The following TRIM14 variants were observed in gnomAD, a reference collection of about 807,000 sequenced individuals.
TRIM14 encodes tripartite motif containing 14.
In TRIM14, 28 loss-of-function variants were observed where a neutral mutation model predicts 44.5. The observed-to-expected ratio is 0.63, with a 90% CI of 0.47 to 0.86. The LOEUF is 0.86. Among genes scored for constraint, TRIM14 ranks in the 40% least tolerant of loss-of-function variants. The pLI, the probability that TRIM14 is intolerant of heterozygous loss-of-function variation, is 0.00. For missense variants in TRIM14, 607 were observed against 611.1 expected (o/e 0.99, Z 0.07); for synonymous variants, 299 against 269.2 (o/e 1.11, Z -1.08).
downstream of TRIM14, among the ~76,000 whole-genome samples, chr9:98,080,485 T>C (rs1324778064): frequency 2.0e-5 from 3 of 152,280 alleles, no homozygotes; most frequent in South Asian, 2.1e-4. Flanking sequence ...CAGATGGTTT[T>C]TGAATGAGGT....
rs962889056 is a variant in TRIM14 at position 98,088,013 on chromosome 9, G to C, written c.794-8C>G. ...GCGTGGGCGTGCGCGCGTCTGCAGG[G>C]GGCGAGACAAGGGACGCACCTGGTG... On this transcript the variant is annotated splice_region_variant and splice_polypyrimidine_tract_variant and intron_variant, in intron 5 of 5. Coordinates refer to ENST00000341469, the MANE Select transcript of TRIM14 (RefSeq NM_014788.4). 20 of 1,512,740 alleles carry C rather than the reference G, an allele frequency of 1.3e-5. No individual in the cohort carries two copies. The highest frequency in any genetic ancestry group is 2.9e-5 in the African/African-American group (2 of 69,238). 93.7% of individuals were successfully genotyped at this position (1,512,740 alleles called of 1,614,324 possible). A position where few individuals can be genotyped will look rare whatever the true frequency, so the allele number is the denominator to read the frequency against.
the TRIM14 span, among the ~76,000 whole-genome samples, chr9:98,048,800 T>G: frequency 0.33 from 49,522 of 151,904 alleles, 10,799 homozygotes; most frequent in African/African-American, 0.61. Flanking sequence ...GAGGCAGGTG[T>G]ATCACAAGGT....
At chr9:98,083,122 C>T (rs1053967337), downstream of TRIM14, 112 of 1,494,716 alleles carry the variant, frequency 7.5e-5, 2 homozygotes, top group South Asian at 1.3e-3. Context: ...TTGAGTGAGG[C>T]GAGGGCAGGA....
chr9:98,042,355 G>A, the TRIM14 span, among the ~76,000 whole-genome samples: 1 of 149,510 alleles, frequency 6.7e-6, no homozygotes, highest in Non-Finnish European at 1.5e-5. Context: ...TGGACACTTA[G>A]TATCTATTAT....
intron 2 of TRIM14, among the ~76,000 whole-genome samples, chr9:98,103,577 G>A (rs1280752722): frequency 6.6e-6 from 1 of 152,010 alleles, no homozygotes; most frequent in African/African-American, 2.4e-5. Context: ...GGTGGCTCAC[G>A]CCTGTAATTC....
chr9:98,082,404 T>G (rs1223678800), downstream of TRIM14, among the ~76,000 whole-genome samples: 1 of 152,226 alleles, frequency 6.6e-6, no homozygotes, highest in African/African-American at 2.4e-5. Context: ...AGTTTCCCCA[T>G]GTTTACAATG....
intron 4 of TRIM14, among the ~76,000 whole-genome samples, chr9:98,094,040 G>A (rs548713720): frequency 4.6e-5 from 7 of 152,226 alleles, no homozygotes; most frequent in South Asian, 4.1e-4. Context: ...CACCACGCCC[G>A]GCCTTTATTA....
At chr9:98,101,202 T>A (rs771404654) in intron 2 of TRIM14, among the ~76,000 whole-genome samples, 1 of 152,160 alleles carries the variant, frequency 6.6e-6, no homozygotes, top group Non-Finnish European at 1.5e-5. Context: ...CTTGAACTTC[T>A]GACCTCAGGT....
At chr9:98,096,073 A>C (rs1294935522) in intron 3 of TRIM14, among the ~76,000 whole-genome samples, 1 of 152,230 alleles carries the variant, frequency 6.6e-6, no homozygotes, top group Admixed American at 6.5e-5. Flanking sequence ...TGACTGCCTC[A>C]GGTGATCAGG....
chr9:98,071,631 G>A (rs1187169991), intron 6 of TRIM14, among the ~76,000 whole-genome samples: 1 of 152,212 alleles, frequency 6.6e-6, no homozygotes, highest in Non-Finnish European at 1.5e-5. Context: ...CTGGGTACTT[G>A]TCCTGGCTTT....
chr9:98,107,431 T>C (rs1253451115), intron 2 of TRIM14, among the ~76,000 whole-genome samples: 1 of 152,210 alleles, frequency 6.6e-6, no homozygotes, highest in Non-Finnish European at 1.5e-5. Context: ...GGTACATGCA[T>C]ACTATCGGAT....
At chr9:98,047,427 T>C in the TRIM14 span, among the ~76,000 whole-genome samples, 1 of 152,030 alleles carries the variant, frequency 6.6e-6, no homozygotes, top group Non-Finnish European at 1.5e-5. Context: ...GCTGTAAAGA[T>C]ACCCAAAAAG....
downstream of TRIM14, among the ~76,000 whole-genome samples, chr9:98,065,291 G>A (rs1283692592): frequency 1.4e-5 from 2 of 139,004 alleles, no homozygotes; most frequent in Non-Finnish European, 3.1e-5. Context: ...CTTTTAAAGT[G>A]TTAGTCACTC....
chr9:98,117,260 C>A (rs552261800), intron 1 of TRIM14, among the ~76,000 whole-genome samples: 1 of 151,726 alleles, frequency 6.6e-6, no homozygotes, highest in South Asian at 2.1e-4. Context: ...TGTTGTTCTG[C>A]CATAGAGATT....
intron 1 of TRIM14, among the ~76,000 whole-genome samples, chr9:98,114,543 C>T (rs574849185): frequency 2.6e-5 from 4 of 152,146 alleles, no homozygotes; most frequent in East Asian, 1.9e-4. Context: ...ACCATGGTCT[C>T]GATCTCCTGA....
intron 2 of TRIM14, among the ~76,000 whole-genome samples, chr9:98,108,291 G>A (rs1826700475): frequency 1.3e-5 from 2 of 152,172 alleles, no homozygotes; most frequent in Non-Finnish European, 1.5e-5. Flanking sequence ...CTCAGGCCAA[G>A]CTTATCCAAC....
In TRIM14 at chr9:98,119,057, G is replaced by A. The variant is rs1311017219; in HGVS notation, c.132C>T (p.Cys44=). 2.5e-6 allele frequency: 4 copies of A among 1,580,434 alleles called. No individual in the cohort carries two copies. The highest frequency in any genetic ancestry group is 2.8e-5 in the African/African-American group (2 of 72,126). ...LFCRRCRRCV[C]ALCPVLGAHR... is the part of the protein sequence containing the mutation. ...GCGCGCCCAGCACCGGGCAAAGCGC[G>A]CACACGCAGCGGCGGCAGCGGCGAC... Residue 44 remains cysteine, a synonymous_variant, in exon 1 of 6, where the codon TGC becomes TGT. Coordinates refer to ENST00000341469, the MANE Select transcript of TRIM14 (RefSeq NM_014788.4).
At chr9:98,093,344 C>T (rs1250821868) in intron 4 of TRIM14, among the ~76,000 whole-genome samples, 1 of 152,168 alleles carries the variant, frequency 6.6e-6, no homozygotes, top group African/African-American at 2.4e-5. Context: ...CAATCATAAT[C>T]GCCAAGACAT....
intron 6 of TRIM14, chr9:98,077,108 A>C: frequency 1.1e-6 from 1 of 926,140 alleles, no homozygotes; most frequent in Non-Finnish European, 1.6e-6. Flanking sequence ...AGCAGATTTC[A>C]TGAAGACAAA....
Sources: allele counts gnomAD v4.1 joint callset (sites outside exome capture counted in the v4.1 genomes callset), GRCh38; gene constraint gnomAD v4.1.1; transcripts MANE v1.5; gene names NCBI Gene and HGNC (gene_info 2026-07-23, HGNC 2026-07-21).